The following PRDM16 variants were observed in gnomAD, a reference collection of about 807,000 sequenced individuals.
PRDM16 encodes the protein histone-lysine N-methyltransferase PRDM16.
Under a neutral mutation model 110.6 loss-of-function variants are expected in PRDM16, and 23 were observed. The ratio of observed to expected loss-of-function variants is 0.21; its 90% CI spans 0.15 to 0.29. The LOEUF (loss-of-function observed/expected upper bound fraction) is 0.29. Ranked by LOEUF, PRDM16 falls within the 10% of genes least tolerant of loss-of-function variation. PRDM16 has a pLI of 1.00. For synonymous variants in PRDM16, 799 were observed against 781.8 expected (o/e 1.02, Z -0.37); for missense variants, 1,615 against 1,794.3 (o/e 0.90, Z 1.81).
intron 8 of PRDM16, 83 bp downstream of exon 8, chr1:3,405,731 G>A: frequency 7.2e-7 from 1 of 1,392,844 alleles, no homozygotes; most frequent in East Asian, 2.7e-5. Flanking sequence ...CATCCCCCAA[G>A]GTCTCCCCCG....
At chr1:3,337,114 C>T (rs2500263) in intron 3 of PRDM16, among the ~76,000 whole-genome samples, 107,363 of 149,258 alleles carry the variant, frequency 0.72, 38,352 homozygotes, top group East Asian at 0.84. Flanking sequence ...TTGGTGTGAG[C>T]CTCTGTGTGA....
At chr1:3,364,937 C>T (rs925544488) in intron 3 of PRDM16, among the ~76,000 whole-genome samples, 5 of 152,336 alleles carry the variant, frequency 3.3e-5, no homozygotes, top group Non-Finnish European at 5.9e-5. Flanking sequence ...GTGTGTACGC[C>T]GTCCCTCATT....
At chr1:3,268,492 G>A (rs190751191) in intron 3 of PRDM16, among the ~76,000 whole-genome samples, 7 of 152,312 alleles carry the variant, frequency 4.6e-5, no homozygotes, top group East Asian at 1.9e-4. Flanking sequence ...GAGGGCAGAC[G>A]GGCCCTGCGA....
chr1:3,411,981 G>A lies in PRDM16; in HGVS notation c.1784G>A (p.Ser595Asn), dbSNP rs1427902958. The part of the protein sequence containing the change: ...DSCVEKLKTR[S>N]SDMSDGSDFE... ...TGTGTGGAGAAGCTGAAGACCAGGA[G>A]CAGCGACATGTCGGACGGCAGTGAC... The change falls in exon 9 of 17, where the codon AGC (serine) becomes AAC (asparagine). Residue 595 changes from serine (S) to asparagine (N), a missense_variant. Around this residue, in one of 5 missense-constraint regions of PRDM16, gnomAD observed 772 missense variants for 748.3 expected, o/e 1.03. Transcript: ENST00000270722. 6.2e-7 allele frequency: 1 copy of A among 1,613,560 alleles called. No individual in the cohort carries two copies. Among genetic ancestry groups the A allele is most frequent in the East Asian group, 2.2e-5 (1 of 44,880 alleles).
chr1:3,240,613 T>C (rs970481720), intron 2 of PRDM16, among the ~76,000 whole-genome samples: 2 of 152,200 alleles, frequency 1.3e-5, no homozygotes, highest in Non-Finnish European at 2.9e-5. Context: ...CACTCTGGGT[T>C]TCCTCCTTAG....
In PRDM16 at chr1:3,201,121, T is replaced by A. The variant is rs535185641; in HGVS notation, c.387+14647T>A. Among the ~76,000 whole-genome samples the A allele has an allele frequency of 6.6e-6, 1 of 152,028 alleles. No homozygotes were observed. The highest frequency in any genetic ancestry group is 2.4e-5 in the African/African-American group (1 of 41,388). On this transcript the variant is annotated intron_variant, in intron 2 of 16. Coordinates refer to ENST00000270722, the MANE Select transcript of PRDM16 (RefSeq NM_022114.4). This position sits in a 1 kb window ranked among gnomAD's most constrained non-coding sequence, Gnocchi z 4.1. Reference sequence around the variant, plus strand: ...GATGGCAGAAGGACATCAGGACCCCTGAGTTTTGGGAGCATAGACCACGCT... The same window carrying A: ...GATGGCAGAAGGACATCAGGACCCCAGAGTTTTGGGAGCATAGACCACGCT...
chr1:3,322,454 C>G (rs1220174220), intron 3 of PRDM16, among the ~76,000 whole-genome samples: 1 of 152,194 alleles, frequency 6.6e-6, no homozygotes, highest in African/African-American at 2.4e-5. Flanking sequence ...GCTCCTGGGC[C>G]TCGGGAATGA....
At chr1:3,385,018 G>A (rs1643171535) in intron 3 of PRDM16, 134 bp from the exon 4 acceptor site, 5 of 1,080,280 alleles carry the variant, frequency 4.6e-6, no homozygotes, top group Non-Finnish European at 5.5e-6. Flanking sequence ...TGCCCGGAGG[G>A]TGGGCTGAGG....
chr1:3,096,731 G>C (rs1306598481), intron 1 of PRDM16, among the ~76,000 whole-genome samples: 1 of 152,194 alleles, frequency 6.6e-6, no homozygotes, highest in Non-Finnish European at 1.5e-5. Flanking sequence ...AGGGGTGGAT[G>C]GTGAGTGGGC....
At chr1:3,414,477 C>A (rs544880284) in intron 9 of PRDM16, 83 bp from the exon 10 acceptor site, 1 of 1,008,246 alleles carries the variant, frequency 9.9e-7, no homozygotes, top group Non-Finnish European at 1.5e-6. Context: ...TATGGTCAGG[C>A]GGGGTGGGCG....
chr1:3,388,412 C>G (rs1215342595), intron 4 of PRDM16, among the ~76,000 whole-genome samples: 1 of 152,172 alleles, frequency 6.6e-6, no homozygotes, highest in Admixed American at 6.5e-5. Context: ...CGTAAAACAA[C>G]GTCGAGTTTG....
At chr1:3,372,608 C>A (rs971429994) in intron 3 of PRDM16, among the ~76,000 whole-genome samples, 8 of 152,220 alleles carry the variant, frequency 5.3e-5, no homozygotes, top group Non-Finnish European at 8.8e-5. Flanking sequence ...TGCTCAAAAA[C>A]CAAACCAAAA....
At chr1:3,127,795 A>AGAGC (rs1643241051) in intron 1 of PRDM16, among the ~76,000 whole-genome samples, 1 of 152,248 alleles carries the variant, frequency 6.6e-6, no homozygotes, top group Non-Finnish European at 1.5e-5. Flanking sequence ...CCATAAAGGC[A>AGAGC]GAGCGTCCCC....
At chr1:3,177,729 C>G (rs74874070) in intron 1 of PRDM16, among the ~76,000 whole-genome samples, 4,276 of 152,306 alleles carry the variant, frequency 0.028, 84 homozygotes, top group Non-Finnish European at 0.047. Context: ...AACCAGGGAC[C>G]ATGTTTCCTC....
chr1:3,276,051 C>T (rs569489410), intron 3 of PRDM16, among the ~76,000 whole-genome samples: 38 of 152,368 alleles, frequency 2.5e-4, no homozygotes, highest in African/African-American at 5.3e-4. Context: ...CTTTGGTCTC[C>T]GGACACCACG....
At chr1:3,415,180 C>A (rs924911226) in intron 10 of PRDM16, among the ~76,000 whole-genome samples, 3 of 152,146 alleles carry the variant, frequency 2.0e-5, no homozygotes, top group Non-Finnish European at 4.4e-5. Context: ...GGGTGCAGAC[C>A]CTGCCAGGCC....
chr1:3,114,541 T>C (rs1046757035), intron 1 of PRDM16, among the ~76,000 whole-genome samples: 2 of 150,132 alleles, frequency 1.3e-5, no homozygotes, highest in Non-Finnish European at 3.0e-5. Context: ...CATGCACACA[T>C]GAACACACAC....
In PRDM16 at chr1:3,314,234, C is replaced by T. The variant is rs114016435; in HGVS notation, c.438+70097C>T. Among the ~76,000 whole-genome samples, 801 of 152,138 alleles carry T rather than the reference C, an allele frequency of 5.3e-3. 10 individuals are homozygous for T. The highest frequency in any genetic ancestry group is 0.018 in the African/African-American group (746 of 41,514). On this transcript the variant is annotated intron_variant, in intron 3 of 16. Coordinates refer to ENST00000270722, the MANE Select transcript of PRDM16 (RefSeq NM_022114.4). ...GAGGACCGACCTTTAGGGACAGGAC[C>T]GGTGTGTCTGGGTGGCAGTTTAGAG...
At chr1:3,317,524 C>A (rs76106819) in intron 3 of PRDM16, among the ~76,000 whole-genome samples, 1 of 150,210 alleles carries the variant, frequency 6.7e-6, no homozygotes, top group East Asian at 1.9e-4. Flanking sequence ...TTTCTAGCAG[C>A]GCCCTCCTTC....
Sources: allele counts gnomAD v4.1 joint callset (sites outside exome capture counted in the v4.1 genomes callset), GRCh38; gene constraint gnomAD v4.1.1; regional missense constraint gnomAD v4.1.1; non-coding constraint Gnocchi (gnomAD v3.1); transcripts MANE v1.5; gene names NCBI Gene and HGNC (gene_info 2026-07-23, HGNC 2026-07-21).